Variants in WWP2 observed in about 807,000 individuals in gnomAD.
WWP2 encodes WW domain containing E3 ubiquitin protein ligase 2, also known as NEDD4-like E3 ubiquitin-protein ligase WWP2.
A neutral mutation model predicts 121.0 loss-of-function variants in WWP2; 57 were observed. The ratio of observed to expected loss-of-function variants is 0.47; its 90% CI spans 0.38 to 0.59. The LOEUF is 0.59. Among genes scored for constraint, WWP2 ranks in the 20% least tolerant of loss-of-function variants. WWP2 has a pLI of 0.00. For missense variants in WWP2, 962 were observed against 1,158.9 expected (o/e 0.83, Z 2.47); for synonymous variants, 449 against 441.3 (o/e 1.02, Z -0.22).
intron 7 of WWP2, among the ~76,000 whole-genome samples, chr16:69,872,978 C>T (rs532804378): frequency 1.3e-5 from 2 of 152,286 alleles, no homozygotes; most frequent in South Asian, 4.1e-4. Context: ...GACTGCTGGT[C>T]GTTTGGTAGT....
chr16:69,888,314 T>A, intron 8 of WWP2, 65 bp downstream of exon 8: 2 of 1,522,060 alleles, frequency 1.3e-6, no homozygotes, highest in South Asian at 1.2e-5. Flanking sequence ...TTTACGGGGG[T>A]GGAAACAACG....
intron 4 of WWP2, among the ~76,000 whole-genome samples, chr16:69,818,194 T>C (rs1288762189): frequency 2.0e-5 from 3 of 151,550 alleles, no homozygotes; most frequent in African/African-American, 7.2e-5. Context: ...TTTATTTTAT[T>C]TATTTATTTA....
intron 1 of WWP2, among the ~76,000 whole-genome samples, chr16:69,780,812 T>C (rs1392369052): frequency 6.6e-6 from 1 of 152,108 alleles, no homozygotes; most frequent in Non-Finnish European, 1.5e-5. Context: ...AAGACTGGCC[T>C]GGGCAAGATG....
intron 6 of WWP2, among the ~76,000 whole-genome samples, chr16:69,870,999 G>A (rs1213315244): frequency 8.5e-5 from 13 of 152,118 alleles, no homozygotes; most frequent in Admixed American, 8.5e-4. Flanking sequence ...GATAAAACAT[G>A]TCTAGGCCAG....
rs1389011806 is a variant in WWP2 at position 69,888,222 on chromosome 16, C to T, written c.887C>T (p.Ala296Val). ...TSGTQQLPAA[A>V]QAPDALPAGW... Reference sequence around the variant, plus strand: ...GGTACACAGCAGCTCCCAGCGGCTGCCCAGGCCCCCGACGCTCTGCCTGCT... The same window carrying T: ...GGTACACAGCAGCTCCCAGCGGCTGTCCAGGCCCCCGACGCTCTGCCTGCT... The change falls in exon 8 of 24, where the codon GCC (alanine) becomes GTC (valine). Residue 296 changes from alanine (A) to valine (V), a missense_variant. Transcript: ENST00000359154. 1.2e-6 allele frequency: 2 copies of T among 1,614,118 alleles called. No homozygotes were observed. The highest frequency in any genetic ancestry group is 4.5e-5 in the East Asian group (2 of 44,874).
chr16:69,911,331 T>A (rs546918663), intron 9 of WWP2, among the ~76,000 whole-genome samples: 1 of 152,148 alleles, frequency 6.6e-6, no homozygotes, highest in African/African-American at 2.4e-5. Context: ...AGACCACAGG[T>A]AAGCAAAGAG....
intron 8 of WWP2, among the ~76,000 whole-genome samples, chr16:69,907,966 T>C (rs9938610): frequency 0.062 from 9,481 of 152,174 alleles, 1,029 homozygotes; most frequent in African/African-American, 0.21. Context: ...TTAAGCCGGG[T>C]GCGGTGGCTC....
At chr16:69,895,581 T>C (rs1244409869) in intron 8 of WWP2, among the ~76,000 whole-genome samples, 1 of 152,072 alleles carries the variant, frequency 6.6e-6, no homozygotes, top group Non-Finnish European at 1.5e-5. Context: ...CTGGGCAACA[T>C]AGCAAGACTT....
chr16:69,914,186 G>A (rs915223316), intron 9 of WWP2, among the ~76,000 whole-genome samples: 1 of 151,074 alleles, frequency 6.6e-6, no homozygotes, highest in African/African-American at 2.4e-5. Context: ...GCAAGAACTT[G>A]CGGAATAGCA....
intron 6 of WWP2, among the ~76,000 whole-genome samples, chr16:69,844,729 G>A (rs1307485161): frequency 1.3e-5 from 2 of 152,172 alleles, no homozygotes; most frequent in Non-Finnish European, 2.9e-5. Flanking sequence ...AGTTACTGGT[G>A]AGCAAGGTAC....
chr16:69,856,632 G>T (rs1280130966), intron 6 of WWP2, among the ~76,000 whole-genome samples: 1 of 152,012 alleles, frequency 6.6e-6, no homozygotes, highest in Non-Finnish European at 1.5e-5. Flanking sequence ...AAATTAGCTG[G>T]GTGTGGTGGC....
chr16:69,846,085 T>C (rs996785769), intron 6 of WWP2, among the ~76,000 whole-genome samples: 1 of 112,628 alleles, frequency 8.9e-6, no homozygotes, highest in Non-Finnish European at 1.9e-5. Context: ...ACTTATCTGG[T>C]CTGGCACATG....
intron 9 of WWP2, among the ~76,000 whole-genome samples, chr16:69,910,758 G>A (rs2058367816): frequency 6.6e-6 from 1 of 152,150 alleles, no homozygotes; most frequent in South Asian, 2.1e-4. Context: ...CGTAGGCCTT[G>A]ACCCAGTGAG....
chr16:69,914,284 C>T (rs4985454), intron 9 of WWP2, among the ~76,000 whole-genome samples: 114,780 of 151,686 alleles, frequency 0.76, 44,352 homozygotes, highest in East Asian at 0.96. Context: ...GCTCACCACA[C>T]GCCTAGCCCA....
chr16:69,886,338 A>G (rs745896736), intron 7 of WWP2, among the ~76,000 whole-genome samples: 10 of 152,144 alleles, frequency 6.6e-5, no homozygotes, highest in Non-Finnish European at 1.0e-4. Flanking sequence ...CAGGCTCCCA[A>G]AGTGCTGGAA....
chr16:69,812,318 A>G (rs542907140), intron 4 of WWP2, among the ~76,000 whole-genome samples: 6 of 150,906 alleles, frequency 4.0e-5, no homozygotes, highest in Admixed American at 3.3e-4. Flanking sequence ...GGCACCCACC[A>G]TCATGCCCAG....
intron 4 of WWP2, among the ~76,000 whole-genome samples, chr16:69,811,820 T>G (rs2056397597): frequency 6.6e-6 from 1 of 152,148 alleles, no homozygotes; most frequent in Admixed American, 6.6e-5. Flanking sequence ...CTCAATGTCG[T>G]CCTTCACCCA....
intron 8 of WWP2, among the ~76,000 whole-genome samples, chr16:69,898,275 A>G (rs1212947086): frequency 1.3e-5 from 2 of 151,750 alleles, no homozygotes; most frequent in African/African-American, 4.8e-5. Context: ...TGATCTGCCC[A>G]CCTCGGCCTC....
chr16:69,901,820 G>A lies in WWP2; in HGVS notation c.915-6941G>A, dbSNP rs535939452. ...ATTGCTGTTAGCCAGGCGTGGTGGC[G>A]AGTCCCTGTAATCCCAGCTACTCGG... is the stretch of plus-strand genomic sequence containing the variant. On this transcript the variant is annotated intron_variant, in intron 8 of 23. Transcript: ENST00000359154. Among the ~76,000 whole-genome samples the A allele has an allele frequency of 2.4e-4, 36 of 152,200 alleles. No homozygotes were observed. The South Asian group carries it at 4.4e-3, about 18-fold the overall frequency.
Sources: gnomAD v4.1 joint callset for allele counts (sites outside exome capture counted in the v4.1 genomes callset) on GRCh38, gnomAD v4.1.1 for gene constraint, MANE v1.5 for transcripts, NCBI Gene and HGNC (gene_info 2026-07-23, HGNC 2026-07-21) for gene names.